STPG1: variants seen among roughly 807,000 people sequenced by gnomAD.
STPG1 encodes O(6)-methylguanine-induced apoptosis 2.
Under a neutral mutation model 40.1 loss-of-function variants are expected in STPG1, and 33 were observed. The observed-to-expected ratio is 0.82, with a 90% CI of 0.62 to 1.10. The LOEUF (loss-of-function observed/expected upper bound fraction) is 1.10, where lower values mean the gene tolerates loss of function less well. STPG1 is among the 50% of genes least tolerant of loss of function. The pLI is 0.00. For synonymous variants in STPG1, 150 were observed against 155.0 expected, an observed-to-expected ratio of 0.97 and a Z score of 0.24; for missense variants, 396 against 415.1, an observed-to-expected ratio of 0.95 and a Z score of 0.40.
chr1:24,410,299 C>CA (rs1643566437), intron 1 of STPG1, among the ~76,000 whole-genome samples: 2 of 152,142 alleles, frequency 1.3e-5, no homozygotes, highest in Middle Eastern at 3.4e-3. Context: ...TGATAAATTA[C>CA]AAAAAAACTT....
intron 5 of STPG1, among the ~76,000 whole-genome samples, chr1:24,377,476 C>T (rs1205840401): frequency 6.6e-6 from 1 of 152,032 alleles, no homozygotes; most frequent in African/African-American, 2.4e-5. Context: ...CTTGCTATAC[C>T]AGGACCTTGG....
At chr1:24,367,960 C>T (rs1050006790) in intron 7 of STPG1, among the ~76,000 whole-genome samples, 3 of 152,180 alleles carry the variant, frequency 2.0e-5, no homozygotes, top group South Asian at 4.1e-4. Flanking sequence ...ATACTCTGGT[C>T]GGCCAACTCC....
chr1:24,391,828 T>TA (rs3215501), intron 2 of STPG1, 149 bp from the exon 3 acceptor site: 566,957 of 1,087,970 alleles, frequency 0.52, 119,397 homozygotes, highest in East Asian at 0.64. Context: ...GAAACCGGAT[T>TA]AAAAAAAAAA....
upstream of STPG1, chr1:24,414,042 G>A (rs1227234122): frequency 6.6e-6 from 1 of 152,102 alleles, no homozygotes. Flanking sequence ...ATTCATCCAA[G>A]CCCTGTTTCT....
At chr1:24,401,519 G>A in intron 1 of STPG1, 63 bp from the exon 2 acceptor site, 2 of 762,152 alleles carry the variant, frequency 2.6e-6, no homozygotes, top group Admixed American at 2.1e-5. Context: ...TTGCAAATGG[G>A]TTCTGTTCTA....
At chr1:24,376,000 G>A (rs765193151) in intron 5 of STPG1, among the ~76,000 whole-genome samples, 2 of 152,156 alleles carry the variant, frequency 1.3e-5, no homozygotes, top group African/African-American at 2.4e-5. Flanking sequence ...AGGTAGGAGA[G>A]AATATGAAAG....
rs927682595 is a variant in STPG1 at position 24,413,686 on chromosome 1, C to T, written c.-81G>A. On this transcript the variant is annotated 5_prime_UTR_variant, in exon 1 of 9. Coordinates refer to ENST00000337248, the MANE Select transcript of STPG1 (RefSeq NM_001199013.2). ...AACTGCTTCCTACCTGGTCCGGTCC[C>T]GGCAGCTGAATCTGGCCAGCCCAAC... 3 of 152,312 alleles carry T rather than the reference C, an allele frequency of 2.0e-5. No individual in the cohort carries two copies. Among genetic ancestry groups the T allele is most frequent in the African/African-American group, 7.2e-5 (3 of 41,456 alleles). 9.4% of individuals were successfully genotyped at this position (152,312 alleles called of 1,614,324 possible). A position where few individuals can be genotyped will look rare whatever the true frequency, so the allele number is the denominator to read the frequency against.
intron 1 of STPG1, among the ~76,000 whole-genome samples, chr1:24,412,756 G>GGAAT (rs1185703433): frequency 2.6e-5 from 4 of 152,222 alleles, no homozygotes; most frequent in East Asian, 1.9e-4. Flanking sequence ...AAATATTGGT[G>GGAAT]GAATGAATGA....
rs567276460 is a variant in STPG1, at chr1:24,400,120, C to T, written c.70+1199G>A. On this transcript the variant is annotated intron_variant, in intron 2 of 8. Coordinates refer to ENST00000337248, the MANE Select transcript of STPG1 (RefSeq NM_001199013.2). ...CATAATAGCCCCAAACTGGAAACAA[C>T]CTAAATGTCCTTCAGTAGTAGAATA... 9.9e-5 allele frequency among the ~76,000 whole-genome samples: 15 copies of T among 152,254 alleles called. No individual in the cohort carries two copies. The South Asian group carries it at 3.1e-3, about 32-fold the overall frequency.
chr1:24,396,270 G>GCTATCTATCTAT (rs369677161), intron 2 of STPG1, among the ~76,000 whole-genome samples: 2 of 127,606 alleles, frequency 1.6e-5, no homozygotes, highest in African/African-American at 6.3e-5. Context: ...TCCATCTATA[G>GCTATCTATCTAT]CTATCTATCT....
intron 2 of STPG1, among the ~76,000 whole-genome samples, chr1:24,398,277 T>C (rs1643086463): frequency 6.6e-6 from 1 of 152,096 alleles, no homozygotes; most frequent in Admixed American, 6.5e-5. Context: ...TTTCATAAGA[T>C]CTAATATCCT....
intron 3 of STPG1, among the ~76,000 whole-genome samples, chr1:24,390,354 G>A (rs1642707454): frequency 6.6e-6 from 1 of 152,196 alleles, no homozygotes; most frequent in Non-Finnish European, 1.5e-5. Flanking sequence ...GAGGAAAAGA[G>A]ATGCGGCAAG....
At chr1:24,367,845 G>A (rs1641548181) in intron 7 of STPG1, among the ~76,000 whole-genome samples, 1 of 151,948 alleles carries the variant, frequency 6.6e-6, no homozygotes, top group Non-Finnish European at 1.5e-5. Context: ...TCTTCTCATC[G>A]AATCTTCATG....
In STPG1 at chr1:24,391,599, CT is replaced by C. The variant is rs1210126972; in HGVS notation, c.150del (p.Gly51AspfsTer90). The C allele has an allele frequency of 3.4e-5, 53 of 1,538,858 alleles. 1 individual carries two copies. The highest frequency in any genetic ancestry group is 5.9e-5 in the Admixed American group (3 of 50,688). On this transcript the variant is annotated frameshift_variant, in exon 3 of 9. Transcript: ENST00000337248. LOFTEE classifies it high-confidence loss of function. ...AATCTCTTGGCTTGACTATTGAATC[CT>C]TTTTTTTCTGATTCTGGGATTACTG... ...QASVIPESEK[K>X]GFNSQAKRFP...
chr1:24,381,486 C>T (rs990540284), intron 4 of STPG1, among the ~76,000 whole-genome samples: 2 of 152,226 alleles, frequency 1.3e-5, no homozygotes, highest in African/African-American at 2.4e-5. Flanking sequence ...TCTAGAGCCA[C>T]TCCTGCCAGC....
At chr1:24,364,904 A>G (rs1641356185) in intron 7 of STPG1, among the ~76,000 whole-genome samples, 1 of 152,250 alleles carries the variant, frequency 6.6e-6, no homozygotes, top group Non-Finnish European at 1.5e-5. Context: ...CAAATCACCT[A>G]AGAATAATGA....
At chr1:24,400,725 C>T (rs1253663162) in intron 2 of STPG1, among the ~76,000 whole-genome samples, 6 of 152,184 alleles carry the variant, frequency 3.9e-5, no homozygotes, top group Non-Finnish European at 1.5e-5. Flanking sequence ...GCCACACTAA[C>T]GAACCAGAAC....
chr1:24,391,912 C>CA (rs1642790319), intron 2 of STPG1: 1 of 1,265,422 alleles, frequency 7.9e-7, no homozygotes, highest in African/African-American at 1.6e-5. Flanking sequence ...GAGATGTGGT[C>CA]ACATAAAGTA....
chr1:24,393,127 G>A (rs1008835480), intron 2 of STPG1, among the ~76,000 whole-genome samples: 1 of 152,214 alleles, frequency 6.6e-6, no homozygotes, highest in South Asian at 2.1e-4. Context: ...CAGGTAGGGT[G>A]TGAACATGAT....
Sources: gnomAD v4.1 joint callset for allele counts (sites outside exome capture counted in the v4.1 genomes callset) on GRCh38, gnomAD v4.1.1 for gene constraint, MANE v1.5 for transcripts, NCBI Gene and HGNC (gene_info 2026-07-23, HGNC 2026-07-21) for gene names.